The following KCNN2 variants were observed in gnomAD, a reference collection of about 807,000 sequenced individuals.
KCNN2 encodes the protein small conductance calcium-activated potassium channel protein 2.
A neutral mutation model predicts 55.5 loss-of-function variants in KCNN2; 24 were observed. The ratio of observed to expected loss-of-function variants is 0.43; its 90% CI spans 0.31 to 0.61. The LOEUF is 0.61. Ranked by LOEUF, KCNN2 falls within the 20% of genes least tolerant of loss-of-function variation. KCNN2 has a pLI of 0.08. For synonymous variants in KCNN2, 431 were observed against 336.1 expected (o/e 1.28, Z -3.09); for missense variants, 754 against 853.6 (o/e 0.88, Z 1.45).
At position 114,290,348 on chromosome 5, in the gene KCNN2, A is replaced by G. The variant is rs115189403; in HGVS notation, c.-185+68783A>G. Among the ~76,000 whole-genome samples, 822 of 152,204 alleles carry G rather than the reference A, an allele frequency of 5.4e-3. 7 individuals carry two copies. Among genetic ancestry groups the G allele is most frequent in the African/African-American group, 0.019 (789 of 41,558 alleles). On this transcript the variant is annotated intron_variant, in intron 2 of 10. Coordinates refer to the KCNN2 transcript ENST00000512097. ...GTAATTTGTATATTTCCATGAATTT[A>G]TATTCATATAGGTTAGTATATAGAA...
chr5:114,070,718 TTATAATTAAAAGG>T (rs1281290214), intron 1 of KCNN2, among the ~76,000 whole-genome samples: 13 of 152,214 alleles, frequency 8.5e-5, no homozygotes, highest in Non-Finnish European at 1.6e-4. Context: ...TATTTGTGAA[TTATAATTAAAAGG>T]GAGTGTGGTA....
intron 1 of KCNN2, among the ~76,000 whole-genome samples, chr5:114,078,700 G>T (rs770240752): frequency 6.6e-6 from 1 of 152,130 alleles, no homozygotes; most frequent in Non-Finnish European, 1.5e-5. Flanking sequence ...AGGCTTAGAG[G>T]AATATTTGGA....
chr5:114,402,471 G>T (rs1758813368), intron 2 of KCNN2, among the ~76,000 whole-genome samples: 1 of 152,194 alleles, frequency 6.6e-6, no homozygotes, highest in South Asian at 2.1e-4. Context: ...TCTACTGAGA[G>T]AAAAGAGGCA....
rs70976336 is a variant in KCNN2 at position 114,312,386 on chromosome 5, TACAC to T, written c.-184-48513_-184-48510del. Among the ~76,000 whole-genome samples the T allele has an allele frequency of 2.6e-3, 133 of 51,646 alleles. 1 individual carries two copies. The highest frequency in any genetic ancestry group is 4.2e-3 in the South Asian group (3 of 710). The allele number at this position is 51,646 out of a possible 152,430, so 33.9% of individuals were successfully genotyped here. ...TCATCCTGTGAAATAAAAAAGGAGA[TACAC>T]ACACACACACACACACACACACACA... On this transcript the variant is annotated intron_variant, in intron 2 of 10. Transcript: ENST00000512097.
At chr5:114,238,079 T>A (rs1038504170) in intron 2 of KCNN2, among the ~76,000 whole-genome samples, 2 of 152,178 alleles carry the variant, frequency 1.3e-5, no homozygotes, top group African/African-American at 2.4e-5. Flanking sequence ...ATATCTGGAC[T>A]CAGTAAGTCT....
At chr5:114,217,927 TG>T (rs1273582641) in intron 1 of KCNN2, among the ~76,000 whole-genome samples, 1 of 151,970 alleles carries the variant, frequency 6.6e-6, no homozygotes. Context: ...ATTAAAAAAA[TG>T]GGCAAAAGAT....
chr5:114,232,922 C>CTCG (rs200715120), intron 2 of KCNN2, among the ~76,000 whole-genome samples: 7 of 44,042 alleles, frequency 1.6e-4, no homozygotes, highest in East Asian at 7.8e-4. Context: ...TATATTGTTT[C>CTCG]TTGTTTTTTT....
chr5:114,463,284 C>T (rs918407933), intron 4 of KCNN2, 94 bp downstream of exon 4: 1 of 931,692 alleles, frequency 1.1e-6, no homozygotes, highest in Non-Finnish European at 1.6e-6. Flanking sequence ...TGAGCTACTT[C>T]TTTTCCCATC....
At chr5:114,433,868 C>A in intron 3 of KCNN2, 1 of 155,610 alleles carries the variant, frequency 6.4e-6, no homozygotes. Flanking sequence ...ACACTCACCG[C>A]CAGGGTCCGG....
intron 1 of KCNN2, among the ~76,000 whole-genome samples, chr5:114,203,212 T>A (rs902047361): frequency 6.6e-6 from 1 of 152,180 alleles, no homozygotes; most frequent in Non-Finnish European, 1.5e-5. Context: ...TATCTAATTG[T>A]ATTTTAATAT....
At chr5:114,397,653 G>T (rs1486684345) in intron 2 of KCNN2, among the ~76,000 whole-genome samples, 1 of 152,168 alleles carries the variant, frequency 6.6e-6, no homozygotes, top group Non-Finnish European at 1.5e-5. Flanking sequence ...CACCCAAAGT[G>T]CTGGGATTAC....
At chr5:114,270,863 T>G (rs1167478023) in intron 2 of KCNN2, among the ~76,000 whole-genome samples, 1 of 152,212 alleles carries the variant, frequency 6.6e-6, no homozygotes, top group Non-Finnish European at 1.5e-5. Flanking sequence ...TGTTCAGATG[T>G]GTCCACAGTT....
In KCNN2 at chr5:114,442,858, GA is replaced by G. The variant is rs1390106505; in HGVS notation, c.1638-20187del. Among the ~76,000 whole-genome samples, 3 of 152,240 alleles carry G rather than the reference GA, an allele frequency of 2.0e-5. No individual in the cohort carries two copies. In the East Asian group the frequency reaches 5.8e-4, roughly 29 times the overall value. On this transcript the variant is annotated intron_variant, in intron 3 of 7. Transcript: ENST00000673685. Reference sequence around the variant, plus strand: ...GAACTCGGAGAGATGTGGGCAGGGGGAAAAGAGGACACACAGTAGTTCTGTT... The same window carrying G: ...GAACTCGGAGAGATGTGGGCAGGGGGAAAGAGGACACACAGTAGTTCTGTT...
intron 1 of KCNN2, among the ~76,000 whole-genome samples, chr5:114,106,331 A>G (rs997280945): frequency 1.3e-5 from 2 of 151,466 alleles, no homozygotes; most frequent in African/African-American, 4.8e-5. Flanking sequence ...TTTTTGCTGT[A>G]TATTTACATT....
chr5:114,415,001 AG>A (rs142748233), intron 3 of KCNN2, among the ~76,000 whole-genome samples: 219 of 152,314 alleles, frequency 1.4e-3, no homozygotes, highest in African/African-American at 4.8e-3. Flanking sequence ...GCAGTCTTCC[AG>A]GTGACCACTA....
rs1039950857 is a variant in KCNN2 at position 114,162,857 on chromosome 5, A to T, written c.-270-58623A>T. Among the ~76,000 whole-genome samples, 5 of 152,122 alleles carry T rather than the reference A, an allele frequency of 3.3e-5. No individual in the cohort carries two copies. In the East Asian group the frequency reaches 7.7e-4, roughly 24 times the overall value. The stretch of plus-strand genomic sequence containing the variant: ...TTTGTTAAGTCGGTTGGAAAAGCGC[A>T]GTATTAGGGTGGGAGCGACCTGATT... On this transcript the variant is annotated intron_variant, in intron 1 of 10. Coordinates refer to the KCNN2 transcript ENST00000512097.
chr5:114,338,792 C>T (rs1756968987), intron 2 of KCNN2, among the ~76,000 whole-genome samples: 1 of 152,198 alleles, frequency 6.6e-6, no homozygotes. Flanking sequence ...AGCCTGAACT[C>T]AGCAGCCTGG....
chr5:114,393,591 G>A (rs1173726537), intron 2 of KCNN2, among the ~76,000 whole-genome samples: 4 of 151,434 alleles, frequency 2.6e-5, no homozygotes, highest in South Asian at 2.1e-4. Flanking sequence ...TAAAAAAAAA[G>A]CATTAAATAT....
intron 2 of KCNN2, among the ~76,000 whole-genome samples, chr5:114,292,445 G>A (rs1755912283): frequency 6.6e-6 from 1 of 152,162 alleles, no homozygotes; most frequent in Non-Finnish European, 1.5e-5. Context: ...TTGTTAAATA[G>A]GGAATCCTTT....
Sources: allele counts gnomAD v4.1 joint callset (sites outside exome capture counted in the v4.1 genomes callset), GRCh38; gene constraint gnomAD v4.1.1; transcripts MANE v1.5; gene names NCBI Gene and HGNC (gene_info 2026-07-23, HGNC 2026-07-21).